LDLRAD3: variants seen among roughly 807,000 people sequenced by gnomAD.
LDLRAD3 encodes the protein low-density lipoprotein receptor class A domain-containing protein 3.
In LDLRAD3, 20 loss-of-function variants were observed where a neutral mutation model predicts 29.4. The ratio of observed to expected loss-of-function variants is 0.68; its 90% CI spans 0.48 to 0.99. The LOEUF is 0.99. Among genes scored for constraint, LDLRAD3 ranks in the 50% least tolerant of loss-of-function variants. The probability of loss-of-function intolerance (pLI) is 0.00; values close to 1 mark genes in which losing one functional copy is unlikely to be tolerated. For missense variants in LDLRAD3, 420 were observed against 454.3 expected (o/e 0.92, Z 0.69); for synonymous variants, 157 against 192.7 (o/e 0.81, Z 1.53).
At chr11:36,001,196 T>C (rs575904169) in intron 1 of LDLRAD3, 1 of 152,294 alleles carries the variant, frequency 6.6e-6, no homozygotes, top group East Asian at 1.9e-4. Context: ...TGTAAGTCTG[T>C]ATTCTGTTTT....
chr11:35,997,258 G>A, intron 1 of LDLRAD3: 1 of 336,326 alleles, frequency 3.0e-6, no homozygotes. Context: ...CAGCATTGCA[G>A]CTCACAGACT....
intron 2 of LDLRAD3, among the ~76,000 whole-genome samples, chr11:36,058,716 T>A (rs1041690883): frequency 1.3e-5 from 2 of 152,216 alleles, no homozygotes; most frequent in Non-Finnish European, 2.9e-5. Context: ...TCAGAGGTGA[T>A]TTTAACCCTC....
chr11:36,203,018 C>T (rs1315256021), intron 4 of LDLRAD3, among the ~76,000 whole-genome samples: 1 of 152,168 alleles, frequency 6.6e-6, no homozygotes, highest in African/African-American at 2.4e-5. Context: ...CACACTGTGA[C>T]CTCAAACTCC....
At chr11:36,204,498 CTTTT>C (rs56354406) in intron 4 of LDLRAD3, among the ~76,000 whole-genome samples, 1 of 145,060 alleles carries the variant, frequency 6.9e-6, no homozygotes. Context: ...CTCTCTCTTT[CTTTT>C]TTTTTTTTTT....
At chr11:36,057,818 C>G (rs1366869999) in intron 2 of LDLRAD3, among the ~76,000 whole-genome samples, 1 of 152,198 alleles carries the variant, frequency 6.6e-6, no homozygotes, top group African/African-American at 2.4e-5. Context: ...TTGTCCGAAA[C>G]CACACATTTG....
At chr11:36,210,893 G>A (rs554324842) in intron 4 of LDLRAD3, among the ~76,000 whole-genome samples, 2 of 152,226 alleles carry the variant, frequency 1.3e-5, no homozygotes, top group East Asian at 1.9e-4. Context: ...GAGGGATAGC[G>A]GGAGAGGGGT....
rs565106273 is a variant in LDLRAD3, at chr11:36,157,981, A to G, written c.454+59520A>G. Reference sequence around the variant, plus strand: ...TTAAGCAATTTGGACCCCAACCTACAATAAGAACTACTTTTATATCACAAA... The same window carrying G: ...TTAAGCAATTTGGACCCCAACCTACGATAAGAACTACTTTTATATCACAAA... On this transcript the variant is annotated intron_variant, in intron 4 of 5. Coordinates refer to ENST00000315571, the MANE Select transcript of LDLRAD3 (RefSeq NM_174902.4). Among the ~76,000 whole-genome samples, 9 of 152,294 alleles carry G rather than the reference A, an allele frequency of 5.9e-5. No individual in the cohort carries two copies. In the East Asian group the frequency reaches 1.5e-3, roughly 26 times the overall value.
chr11:36,010,239 A>G (rs1316178566), intron 1 of LDLRAD3: 1 of 154,436 alleles, frequency 6.5e-6, no homozygotes, highest in East Asian at 1.9e-4. Context: ...TCTGCTGCCA[A>G]AAATACCATC....
At chr11:36,149,228 G>A (rs1411898548) in intron 4 of LDLRAD3, among the ~76,000 whole-genome samples, 4 of 152,220 alleles carry the variant, frequency 2.6e-5, no homozygotes, top group African/African-American at 7.2e-5. Context: ...CAGGCACTCA[G>A]GCCTGGGAGG....
intron 1 of LDLRAD3, chr11:35,968,088 G>T: frequency 4.4e-6 from 2 of 450,056 alleles, no homozygotes; most frequent in Non-Finnish European, 8.8e-6. Context: ...ATAGTAGGAA[G>T]CCATGTTGGT....
At chr11:36,051,328 C>G (rs1054580433) in intron 2 of LDLRAD3, among the ~76,000 whole-genome samples, 5 of 152,092 alleles carry the variant, frequency 3.3e-5, no homozygotes, top group Admixed American at 1.3e-4. Flanking sequence ...GCTTGGTGGT[C>G]AACATGGTTG....
intron 4 of LDLRAD3, among the ~76,000 whole-genome samples, chr11:36,170,114 A>G (rs1393566910): frequency 6.6e-6 from 1 of 151,970 alleles, no homozygotes. Context: ...GTGAGAACAT[A>G]TGATGTTTGG....
chr11:36,145,288 C>T (rs1360360160), intron 4 of LDLRAD3, among the ~76,000 whole-genome samples: 2 of 99,602 alleles, frequency 2.0e-5, no homozygotes, highest in Admixed American at 8.5e-5. Context: ...CCAGCTGCCC[C>T]ATCCGGGAGG....
intron 4 of LDLRAD3, among the ~76,000 whole-genome samples, chr11:36,162,234 G>C (rs1854451296): frequency 6.6e-6 from 1 of 152,150 alleles, no homozygotes. Flanking sequence ...AGCTATTTTT[G>C]TAAGTTTCAT....
At position 36,230,555 on chromosome 11, in the gene LDLRAD3, G is replaced by C. The variant is rs1179877228; in HGVS notation, c.*1158G>C. ...TAGTTAGAGTTAGGGTCAGGGTCAG[G>C]CCTCTCCCAACATCCCAGTAGTTTC... On this transcript the variant is annotated 3_prime_UTR_variant, in exon 6 of 6. Transcript: ENST00000315571. The C allele has an allele frequency of 5.2e-5, 8 of 152,666 alleles. No homozygotes were observed. The highest frequency in any genetic ancestry group is 1.0e-4 in the Non-Finnish European group (7 of 68,092). The allele number at this position is 152,666 out of a possible 1,614,324, so 9.5% of individuals were successfully genotyped here.
At chr11:36,089,497 G>A (rs1226679544) in intron 3 of LDLRAD3, among the ~76,000 whole-genome samples, 1 of 151,310 alleles carries the variant, frequency 6.6e-6, no homozygotes, top group African/African-American at 2.4e-5. Context: ...GCACGATCTC[G>A]GCTAACTGCA....
chr11:35,988,220 C>A (rs1215402765), intron 1 of LDLRAD3, among the ~76,000 whole-genome samples: 2 of 152,012 alleles, frequency 1.3e-5, no homozygotes, highest in African/African-American at 4.8e-5. Flanking sequence ...ACTATGCCTG[C>A]TAATTTTTAA....
At chr11:36,050,937 A>G (rs749145376) in intron 2 of LDLRAD3, among the ~76,000 whole-genome samples, 6 of 152,092 alleles carry the variant, frequency 3.9e-5, no homozygotes, top group Non-Finnish European at 8.8e-5. Context: ...CATATGGTGT[A>G]AAGGATGCCT....
chr11:36,227,173 C>T lies in LDLRAD3; in HGVS notation c.543C>T (p.Val181=), dbSNP rs767501890. The T allele has an allele frequency of 1.2e-6, 2 of 1,614,170 alleles. No individual in the cohort carries two copies. Among genetic ancestry groups the T allele is most frequent in the Non-Finnish European group, 1.7e-6 (2 of 1,180,014 alleles). ...SITYAIIGSS[V]IFVLVVALLA... is the part of the protein sequence containing the mutation. ...CCTATGCCATCATCGGCAGCTCCGT[C>T]ATTTTTGTGCTGGTGGTGGCCCTGC... The change falls in exon 5 of 6, where the codon GTC becomes GTT. Residue 181 remains valine, a synonymous_variant. Transcript: ENST00000315571.
Sources: allele counts gnomAD v4.1 joint callset (sites outside exome capture counted in the v4.1 genomes callset), GRCh38; gene constraint gnomAD v4.1.1; transcripts MANE v1.5; gene names NCBI Gene and HGNC (gene_info 2026-07-23, HGNC 2026-07-21).